Variants in SCD5 observed in about 807,000 individuals in gnomAD.
The protein encoded by SCD5 is acyl-CoA-desaturase 4.
Under a neutral mutation model 30.4 loss-of-function variants are expected in SCD5, and 20 were observed. The ratio of observed to expected loss-of-function variants is 0.66; its 90% CI spans 0.46 to 0.96. SCD5 has a LOEUF of 0.96. Ranked by LOEUF, SCD5 falls within the 40% of genes least tolerant of loss-of-function variation. SCD5 has a pLI of 0.00. For synonymous variants in SCD5, 173 were observed against 176.4 expected (o/e 0.98, Z 0.16); for missense variants, 381 against 443.3 (o/e 0.86, Z 1.26).
chr4:82,765,881 A>G (rs1721474736), intron 1 of SCD5, among the ~76,000 whole-genome samples: 1 of 152,288 alleles, frequency 6.6e-6, no homozygotes, highest in African/African-American at 2.4e-5. Flanking sequence ...TGGCCTCCCA[A>G]AGTGCTGGGA....
At position 82,629,585 on chromosome 4, in the gene SCD5, C is replaced by T. The variant is rs1323212346; in HGVS notation, c.*1742G>A. The T allele has an allele frequency of 6.6e-6, 1 of 152,218 alleles. No homozygotes were observed. Among genetic ancestry groups the T allele is most frequent in the Non-Finnish European group, 1.5e-5 (1 of 68,030 alleles). 9.4% of individuals were successfully genotyped at this position (152,218 alleles called of 1,614,324 possible). On this transcript the variant is annotated 3_prime_UTR_variant, in exon 5 of 5. Coordinates refer to ENST00000319540, the MANE Select transcript of SCD5 (RefSeq NM_001037582.3). ...TAAATCACTCACAGTTTACACATTA[C>T]CAGTGGCAAAATAACACTGTTAAAC...
intron 1 of SCD5, among the ~76,000 whole-genome samples, chr4:82,761,987 A>G (rs567004764): frequency 6.6e-6 from 1 of 152,096 alleles, no homozygotes; most frequent in Admixed American, 6.5e-5. Flanking sequence ...AGCCTGGGCA[A>G]CATGGCAAGA....
intron 2 of SCD5, among the ~76,000 whole-genome samples, chr4:82,687,152 C>T (rs1172119480): frequency 8.1e-6 from 1 of 123,294 alleles, no homozygotes; most frequent in Non-Finnish European, 1.6e-5. Context: ...GCCTGGGCAA[C>T]AGAGTAAGAC....
At chr4:82,702,118 C>A (rs1250625595) in intron 2 of SCD5, among the ~76,000 whole-genome samples, 1 of 144,788 alleles carries the variant, frequency 6.9e-6, no homozygotes. Flanking sequence ...GGCATTCCTG[C>A]CCCATCATCA....
rs552176735 is a variant in SCD5, at chr4:82,766,920, C to T, written c.232+31386G>A. Among the ~76,000 whole-genome samples, 32 of 152,198 alleles carry T rather than the reference C, an allele frequency of 2.1e-4. No individual in the cohort carries two copies. In the South Asian group the frequency reaches 4.4e-3, roughly 21 times the overall value. On this transcript the variant is annotated intron_variant, in intron 1 of 4. Coordinates refer to ENST00000319540, the MANE Select transcript of SCD5 (RefSeq NM_001037582.3). The stretch of plus-strand genomic sequence containing the variant: ...CTCAAACTCCTAACCTCAGGTGATC[C>T]GCCCACCTCGACCTCCCAAAGTGCT...
intron 1 of SCD5, among the ~76,000 whole-genome samples, chr4:82,782,784 T>G (rs998518058): frequency 2.0e-5 from 3 of 152,330 alleles, no homozygotes; most frequent in African/African-American, 7.2e-5. Context: ...TGAAAGCACT[T>G]TACACCAACG....
At chr4:82,636,497 C>T in intron 4 of SCD5, 94 bp downstream of exon 4, 1 of 941,954 alleles carries the variant, frequency 1.1e-6, no homozygotes. Flanking sequence ...CATTCCACTC[C>T]ACTGCTTCTC....
intron 3 of SCD5, among the ~76,000 whole-genome samples, chr4:82,674,144 G>A (rs1439903629): frequency 1.3e-5 from 2 of 152,236 alleles, no homozygotes; most frequent in East Asian, 3.9e-4. Context: ...GAATTGATAA[G>A]CTGGACATCA....
At chr4:82,729,670 G>A (rs11941872) in intron 1 of SCD5, among the ~76,000 whole-genome samples, 2,292 of 152,202 alleles carry the variant, frequency 0.015, 58 homozygotes, top group African/African-American at 0.053. Context: ...GCCTTTTTAG[G>A]ATAAAGATTA....
intron 3 of SCD5, chr4:82,661,102 T>G: frequency 6.2e-7 from 1 of 1,606,144 alleles, no homozygotes; most frequent in Non-Finnish European, 8.5e-7. Context: ...AGAAAATGAC[T>G]GAGAGTTCCA....
At chr4:82,784,731 G>A (rs1721950680) in intron 1 of SCD5, among the ~76,000 whole-genome samples, 1 of 152,112 alleles carries the variant, frequency 6.6e-6, no homozygotes, top group South Asian at 2.1e-4. Context: ...ACCGTGAAAG[G>A]GATAGAAGCT....
intron 1 of SCD5, among the ~76,000 whole-genome samples, chr4:82,729,244 C>A (rs757575108): frequency 1.4e-4 from 22 of 152,042 alleles, no homozygotes; most frequent in Non-Finnish European, 2.5e-4. Flanking sequence ...AGAAGGCAGA[C>A]GATTCATTTT....
chr4:82,774,391 A>G (rs1721696100), intron 1 of SCD5, among the ~76,000 whole-genome samples: 2 of 152,226 alleles, frequency 1.3e-5, no homozygotes, highest in Admixed American at 1.3e-4. Flanking sequence ...AGGTTATAGT[A>G]TAATTGCAGA....
intron 2 of SCD5, among the ~76,000 whole-genome samples, chr4:82,689,503 A>G (rs1174483149): frequency 6.6e-6 from 1 of 152,224 alleles, no homozygotes; most frequent in Non-Finnish European, 1.5e-5. Flanking sequence ...TAATCAAAAA[A>G]CAGTCCATGG....
intron 1 of SCD5, among the ~76,000 whole-genome samples, chr4:82,754,593 A>G (rs1721192852): frequency 6.6e-6 from 1 of 152,096 alleles, no homozygotes; most frequent in African/African-American, 2.4e-5. Flanking sequence ...GCTATTTACA[A>G]TTTCCATTCA....
chr4:82,679,755 G>A (rs1310620291), intron 3 of SCD5, among the ~76,000 whole-genome samples: 1 of 152,166 alleles, frequency 6.6e-6, no homozygotes, highest in Non-Finnish European at 1.5e-5. Context: ...GCTTTGGGGG[G>A]AAAGAGCACA....
intron 3 of SCD5, among the ~76,000 whole-genome samples, chr4:82,672,834 G>A (rs1728356751): frequency 6.6e-6 from 1 of 151,946 alleles, no homozygotes; most frequent in Non-Finnish European, 1.5e-5. Flanking sequence ...TGTATAAAAA[G>A]AATTATATAC....
At chr4:82,767,541 C>A (rs1406485956) in intron 1 of SCD5, among the ~76,000 whole-genome samples, 1 of 152,146 alleles carries the variant, frequency 6.6e-6, no homozygotes, top group Non-Finnish European at 1.5e-5. Flanking sequence ...GAAAACCCAT[C>A]TTTCACATAT....
intron 1 of SCD5, among the ~76,000 whole-genome samples, chr4:82,756,350 T>C (rs1265730610): frequency 6.6e-6 from 1 of 152,190 alleles, no homozygotes; most frequent in African/African-American, 2.4e-5. Context: ...TACACGGCTG[T>C]GAGTCCCAGT....
Sources: allele counts gnomAD v4.1 joint callset (sites outside exome capture counted in the v4.1 genomes callset), GRCh38; gene constraint gnomAD v4.1.1; transcripts MANE v1.5; gene names NCBI Gene and HGNC (gene_info 2026-07-23, HGNC 2026-07-21).